Variants in RAB38 observed in about 807,000 individuals in gnomAD.
The protein encoded by RAB38 is ras-related protein Rab-38.
Under a neutral mutation model 18.4 loss-of-function variants are expected in RAB38, and 15 were observed. The observed-to-expected ratio is 0.82, with a 90% CI of 0.55 to 1.26. The LOEUF (loss-of-function observed/expected upper bound fraction) is 1.26. RAB38 is among the 50% of genes most tolerant of loss of function. The pLI is 0.00. For synonymous variants in RAB38, 101 were observed against 104.4 expected, an observed-to-expected ratio of 0.97 and a Z score of 0.20; for missense variants, 294 against 267.4, an observed-to-expected ratio of 1.10 and a Z score of -0.69.
the RAB38 span, among the ~76,000 whole-genome samples, chr11:88,017,986 A>G: frequency 2.6e-5 from 4 of 151,972 alleles, no homozygotes; most frequent in Non-Finnish European, 5.9e-5. Flanking sequence ...TTCCCTGCAC[A>G]AGCTCTCTTC....
the RAB38 span, among the ~76,000 whole-genome samples, chr11:87,936,959 T>G: frequency 6.6e-6 from 1 of 152,188 alleles, no homozygotes; most frequent in Non-Finnish European, 1.5e-5. Context: ...GTATGCATTT[T>G]CATTTCTTTC....
In RAB38 at chr11:88,149,826, T is replaced by A; in HGVS notation, c.332A>T (p.Lys111Met). 6.2e-7 allele frequency: 1 copy of A among 1,614,130 alleles called. No individual in the cohort carries two copies. The change falls in exon 2 of 3, where the codon AAG becomes ATG. Residue 111 changes from lysine to methionine, a missense_variant. By Grantham distance (95) the Lys-to-Met change is moderately conservative. Coordinates refer to ENST00000243662, the MANE Select transcript of RAB38 (RefSeq NM_022337.3). ...CGGTTTGCCATTAGGGAGACTTAAC[T>A]TGGAGTCCAAATCATTTTTCCACTT... ...VAKWKNDLDSKLSLPNGKPVS... is the reference protein window; with the variant it reads ...VAKWKNDLDSMLSLPNGKPVS...
At chr11:88,111,552 A>T (rs1427423367), downstream of RAB38, among the ~76,000 whole-genome samples, 1 of 152,214 alleles carries the variant, frequency 6.6e-6, no homozygotes, top group Non-Finnish European at 1.5e-5. Flanking sequence ...TTTCTTAAGT[A>T]GATTATTAAA....
the RAB38 span, among the ~76,000 whole-genome samples, chr11:88,087,407 G>T: frequency 6.6e-6 from 1 of 151,922 alleles, no homozygotes; most frequent in Non-Finnish European, 1.5e-5. Flanking sequence ...GGCTTTACAG[G>T]CATGGCACTG....
chr11:87,811,816 AAG>A, the RAB38 span, among the ~76,000 whole-genome samples: 1 of 152,196 alleles, frequency 6.6e-6, no homozygotes, highest in Non-Finnish European at 1.5e-5. Flanking sequence ...TTAAGTACAT[AAG>A]AGTTATAAAA....
At chr11:87,909,329 A>C in the RAB38 span, among the ~76,000 whole-genome samples, 1 of 66,454 alleles carries the variant, frequency 1.5e-5, no homozygotes, top group African/African-American at 3.0e-5. Flanking sequence ...GTGCCACAGC[A>C]CCTTTCTTAC....
At position 88,164,256 on chromosome 11, in the gene RAB38, C is replaced by CGGCGGGG. The variant is rs1318397492; in HGVS notation, c.202+10926_202+10927insCCCCGCC. On this transcript the variant is annotated intron_variant, in intron 1 of 2. Transcript: ENST00000243662. ...CCCAAAATATATGCCAAGGTGCTCT[C>CGGCGGGG]GGTGGGGGGGGGTGCCATGGTGAAC... 8.6e-4 allele frequency among the ~76,000 whole-genome samples: 94 copies of CGGCGGGG among 108,970 alleles called. 2 individuals are homozygous for CGGCGGGG. The highest frequency in any genetic ancestry group is 1.9e-3 in the African/African-American group (55 of 29,314). 71.5% of individuals were successfully genotyped at this position (108,970 alleles called of 152,430 possible). A position where few individuals can be genotyped will look rare whatever the true frequency, so the allele number is the denominator to read the frequency against.
the RAB38 span, among the ~76,000 whole-genome samples, chr11:87,971,003 G>A: frequency 6.6e-6 from 1 of 152,074 alleles, no homozygotes; most frequent in Non-Finnish European, 1.5e-5. Context: ...CTGAGGATAG[G>A]AAGTCATGAC....
chr11:87,882,874 GA>G, the RAB38 span, among the ~76,000 whole-genome samples: 4 of 151,334 alleles, frequency 2.6e-5, no homozygotes, highest in Non-Finnish European at 3.0e-5. Flanking sequence ...CTCTCCCCAA[GA>G]AAAAAAATAA....
chr11:88,107,524 C>T, the RAB38 span, among the ~76,000 whole-genome samples: 1 of 150,602 alleles, frequency 6.6e-6, no homozygotes, highest in African/African-American at 2.4e-5. Context: ...TGACAAACTA[C>T]CTCTCACTGT....
At chr11:87,824,717 A>T in the RAB38 span, among the ~76,000 whole-genome samples, 1 of 152,316 alleles carries the variant, frequency 6.6e-6, no homozygotes, top group African/African-American at 2.4e-5. Flanking sequence ...ATAGATGGAA[A>T]ACAGGTGGAA....
chr11:88,048,268 G>C, the RAB38 span, among the ~76,000 whole-genome samples: 1 of 152,124 alleles, frequency 6.6e-6, no homozygotes, highest in Non-Finnish European at 1.5e-5. Flanking sequence ...AGGCCACCAC[G>C]GTCATTTCTG....
chr11:88,083,270 T>C, the RAB38 span, among the ~76,000 whole-genome samples: 1 of 151,908 alleles, frequency 6.6e-6, no homozygotes, highest in Non-Finnish European at 1.5e-5. Flanking sequence ...TCCCCGAATC[T>C]GAGATAACAT....
chr11:87,823,852 G>C, the RAB38 span, among the ~76,000 whole-genome samples: 1 of 152,078 alleles, frequency 6.6e-6, no homozygotes, highest in Non-Finnish European at 1.5e-5. Context: ...AGAATATACA[G>C]AGTGAAAGAG....
chr11:87,858,473 A>G, the RAB38 span, among the ~76,000 whole-genome samples: 1 of 152,078 alleles, frequency 6.6e-6, no homozygotes. Context: ...CCTGAAGACC[A>G]GAAAGATATT....
At chr11:87,866,395 G>A in the RAB38 span, among the ~76,000 whole-genome samples, 1 of 151,596 alleles carries the variant, frequency 6.6e-6, no homozygotes, top group Non-Finnish European at 1.5e-5. Context: ...TGCTTTCCAT[G>A]GCATTGCTTT....
chr11:88,104,054 C>T, the RAB38 span, among the ~76,000 whole-genome samples: 1 of 152,094 alleles, frequency 6.6e-6, no homozygotes, highest in Admixed American at 6.6e-5. Flanking sequence ...CCTAACTGAA[C>T]TTTTCCCCTA....
chr11:87,932,951 T>C, the RAB38 span, among the ~76,000 whole-genome samples: 2 of 152,116 alleles, frequency 1.3e-5, no homozygotes, highest in African/African-American at 4.8e-5. Flanking sequence ...GTTGCAGTTA[T>C]GAGAACACAG....
chr11:87,857,655 A>G, the RAB38 span, among the ~76,000 whole-genome samples: 7 of 152,248 alleles, frequency 4.6e-5, no homozygotes, highest in East Asian at 1.9e-4. Flanking sequence ...GGCTGCATAA[A>G]TGTCTTCTTT....
Sources: allele counts gnomAD v4.1 joint callset (sites outside exome capture counted in the v4.1 genomes callset), GRCh38; gene constraint gnomAD v4.1.1; transcripts MANE v1.5; gene names NCBI Gene and HGNC (gene_info 2026-07-23, HGNC 2026-07-21).